The following FRMD4B variants were observed in gnomAD, a reference collection of about 807,000 sequenced individuals.
FRMD4B encodes FERM domain-containing protein 4B.
In FRMD4B, 74 loss-of-function variants were observed where a neutral mutation model predicts 141.5. The ratio of observed to expected loss-of-function variants is 0.52; its 90% confidence interval spans 0.43 to 0.63. FRMD4B has a LOEUF of 0.63. Among genes scored for constraint, FRMD4B ranks in the 30% least tolerant of loss-of-function variants. FRMD4B has a pLI of 0.00. For missense variants in FRMD4B, 1,366 were observed against 1,253.4 expected, an observed-to-expected ratio of 1.09 and a Z score of -1.36; for synonymous variants, 506 against 467.9, an observed-to-expected ratio of 1.08 and a Z score of -1.05.
intron 1 of FRMD4B, among the ~76,000 whole-genome samples, chr3:69,488,144 T>C (rs1706247675): frequency 6.6e-6 from 1 of 152,026 alleles, no homozygotes; most frequent in African/African-American, 2.4e-5. Context: ...AAAGGAGCTT[T>C]GGAGTAGATA....
chr3:69,225,911 C>A (rs552037314), intron 7 of FRMD4B, among the ~76,000 whole-genome samples: 86 of 152,142 alleles, frequency 5.7e-4, no homozygotes, highest in Non-Finnish European at 1.9e-4. Flanking sequence ...CTAACTCTTC[C>A]TACCTTCCAC....
At chr3:69,371,409 G>C (rs1394386284) in intron 1 of FRMD4B, among the ~76,000 whole-genome samples, 1 of 152,172 alleles carries the variant, frequency 6.6e-6, no homozygotes, top group East Asian at 1.9e-4. Flanking sequence ...AGACACACAG[G>C]GGCCTTGTAG....
intron 1 of FRMD4B, among the ~76,000 whole-genome samples, chr3:69,363,642 G>T (rs1703544454): frequency 6.6e-6 from 1 of 151,596 alleles, no homozygotes; most frequent in Non-Finnish European, 1.5e-5. Flanking sequence ...GCCTGCCTTG[G>T]CCTCCCAAAG....
chr3:69,256,821 C>G (rs1416314143), intron 5 of FRMD4B, among the ~76,000 whole-genome samples: 1 of 152,194 alleles, frequency 6.6e-6, no homozygotes, highest in African/African-American at 2.4e-5. Context: ...TACTCACATC[C>G]TTTGGGTACA....
intron 7 of FRMD4B, among the ~76,000 whole-genome samples, chr3:69,239,051 A>G (rs1219321811): frequency 2.0e-5 from 3 of 152,204 alleles, no homozygotes; most frequent in African/African-American, 7.2e-5. Context: ...TGGCAACTCT[A>G]AGGGCTTATA....
chr3:69,235,166 A>C (rs1008143789), intron 7 of FRMD4B, among the ~76,000 whole-genome samples: 2 of 135,786 alleles, frequency 1.5e-5, no homozygotes, highest in Non-Finnish European at 3.0e-5. Flanking sequence ...TAATAATAAT[A>C]ATAATAATAA....
At position 69,349,970 on chromosome 3, in the gene FRMD4B, A is replaced by T. The variant is rs192330530; in HGVS notation, c.162+35858T>A. 1.1e-4 allele frequency among the ~76,000 whole-genome samples: 16 copies of T among 152,348 alleles called. No individual in the cohort carries two copies. The East Asian group carries it at 3.1e-3, about 29-fold the overall frequency. On this transcript the variant is annotated intron_variant, in intron 1 of 22. Coordinates refer to ENST00000398540, the MANE Select transcript of FRMD4B (RefSeq NM_015123.3). ...AATGGCAACAAAAGCCAAAATTGAC[A>T]AATGGGGTCTAATTAAACTAAAGAG...
intron 17 of FRMD4B, among the ~76,000 whole-genome samples, chr3:69,191,651 GAC>G (rs2092839086): frequency 6.6e-6 from 1 of 152,138 alleles, no homozygotes. Context: ...ATCTCTATCA[GAC>G]ACACAGTGGA....
chr3:69,201,137 T>C (rs983695801), intron 11 of FRMD4B, among the ~76,000 whole-genome samples: 1 of 151,072 alleles, frequency 6.6e-6, no homozygotes, highest in African/African-American at 2.4e-5. Context: ...GTTTAAAGCA[T>C]GAAAGGCAGA....
rs1239893718 is a variant in FRMD4B, at chr3:69,254,393, G to A, written c.502-4294C>T. On this transcript the variant is annotated intron_variant, in intron 5 of 22. Coordinates refer to ENST00000398540, the MANE Select transcript of FRMD4B (RefSeq NM_015123.3). ...CGAAGTGCTTAGATTACAGGCGTGA[G>A]CCACCGTACCCAGCCAAAACCCACA... 4.6e-5 allele frequency among the ~76,000 whole-genome samples: 7 copies of A among 152,216 alleles called. No individual in the cohort carries two copies. In the South Asian group the frequency reaches 1.2e-3, roughly 27 times the overall value.
Position 69,168,957 on chromosome 3 carries a change from C to T in FRMD4B, c.*2904G>A, listed in dbSNP as rs1559675319. ...ATCTTTATGAGGTAGATCAGTATGTCTTGATACAGAGGCCCAAGATATATT... is the reference window on the plus strand; with the variant it reads ...ATCTTTATGAGGTAGATCAGTATGTTTTGATACAGAGGCCCAAGATATATT... On this transcript the variant is annotated 3_prime_UTR_variant, in exon 23 of 23. Coordinates refer to ENST00000398540, the MANE Select transcript of FRMD4B (RefSeq NM_015123.3). 6.6e-6 allele frequency among the ~76,000 whole-genome samples: 1 copy of T among 151,326 alleles called. No individual in the cohort carries two copies. Among genetic ancestry groups the T allele is most frequent in the Non-Finnish European group, 1.5e-5 (1 of 67,900 alleles).
At chr3:69,182,965 C>A (rs1216086293) in intron 19 of FRMD4B, among the ~76,000 whole-genome samples, 1 of 152,112 alleles carries the variant, frequency 6.6e-6, no homozygotes, top group Non-Finnish European at 1.5e-5. Context: ...AAAGAGTACA[C>A]TGAATAAAAA....
At chr3:69,338,961 C>A (rs1305900669) in intron 1 of FRMD4B, among the ~76,000 whole-genome samples, 1 of 152,136 alleles carries the variant, frequency 6.6e-6, no homozygotes, top group Non-Finnish European at 1.5e-5. Flanking sequence ...TTCTTCTCTG[C>A]CCCTTAGTTC....
At chr3:69,227,269 CT>C (rs1306316237) in intron 7 of FRMD4B, among the ~76,000 whole-genome samples, 1 of 152,026 alleles carries the variant, frequency 6.6e-6, no homozygotes, top group Non-Finnish European at 1.5e-5. Context: ...TCATTAAGAC[CT>C]TTTTTTGAGT....
chr3:69,324,647 G>A (rs1452143103), intron 1 of FRMD4B, among the ~76,000 whole-genome samples: 1 of 152,208 alleles, frequency 6.6e-6, no homozygotes, highest in Non-Finnish European at 1.5e-5. Context: ...TGCTTTAGAG[G>A]TGAGGAGAAA....
rs1394403967 is a variant in FRMD4B, at chr3:69,245,906, C to T, written c.581+3320G>A. Among the ~76,000 whole-genome samples, 8 of 136,486 alleles carry T rather than the reference C, an allele frequency of 5.9e-5. 1 individual carries two copies. Among genetic ancestry groups the T allele is most frequent in the East Asian group, 4.3e-4 (2 of 4,608 alleles). 89.5% of individuals were successfully genotyped at this position (136,486 alleles called of 152,430 possible). On this transcript the variant is annotated intron_variant, in intron 7 of 22. Transcript: ENST00000398540. ...AGGCTGGAGTGCAATGGTGTGATCTCGGCTCACCACAACCTCTGCCTCCTG... is the reference window on the plus strand; with the variant it reads ...AGGCTGGAGTGCAATGGTGTGATCTTGGCTCACCACAACCTCTGCCTCCTG...
intron 1 of FRMD4B, among the ~76,000 whole-genome samples, chr3:69,519,555 T>C (rs1179352134): frequency 1.3e-5 from 2 of 152,170 alleles, no homozygotes; most frequent in African/African-American, 4.8e-5. Context: ...TTGGCTGCTA[T>C]CTTCTATTTT....
chr3:69,181,632 G>A lies in FRMD4B; in HGVS notation c.2118C>T (p.Asp706=), dbSNP rs371581720. Residue 706 remains aspartate, a synonymous_variant, in exon 21 of 23, where the codon GAC becomes GAT. Coordinates refer to ENST00000398540, the MANE Select transcript of FRMD4B (RefSeq NM_015123.3). Reference sequence around the variant, plus strand: ...AGAGGGAGAAAAATGGCTTATCGCTGTCCATCTCGGAGAGCAGGTGGGACT... The same window carrying A: ...AGAGGGAGAAAAATGGCTTATCGCTATCCATCTCGGAGAGCAGGTGGGACT... ...ESQSHLLSEM[D]SDKPFFSLSK... The A allele has an allele frequency of 3.2e-4, 509 of 1,612,322 alleles. No individual in the cohort carries two copies. The highest frequency in any genetic ancestry group is 3.9e-4 in the Non-Finnish European group (459 of 1,178,376).
At chr3:69,245,125 A>T (rs2106739561) in intron 7 of FRMD4B, among the ~76,000 whole-genome samples, 1 of 152,272 alleles carries the variant, frequency 6.6e-6, no homozygotes, top group Middle Eastern at 3.4e-3. Context: ...AATCCTATGG[A>T]GTGTGTATTA....
Sources: allele counts gnomAD v4.1 joint callset (sites outside exome capture counted in the v4.1 genomes callset), GRCh38; gene constraint gnomAD v4.1.1; transcripts MANE v1.5; gene names NCBI Gene and HGNC (gene_info 2026-07-23, HGNC 2026-07-21).